The following TDRD3 variants were observed in gnomAD, a reference collection of about 807,000 sequenced individuals.
TDRD3 encodes the protein tudor domain-containing protein 3.
Under a neutral mutation model 86.7 loss-of-function variants are expected in TDRD3, and 45 were observed. That is an observed-to-expected ratio of 0.52 (90% confidence interval 0.41 to 0.67). The LOEUF (loss-of-function observed/expected upper bound fraction) is 0.67, where lower values mean the gene tolerates loss of function less well. TDRD3 is among the 30% of genes least tolerant of loss of function. The pLI is 0.00. For synonymous variants in TDRD3, 298 were observed against 301.7 expected (o/e 0.99, Z 0.13); for missense variants, 814 against 889.0 (o/e 0.92, Z 1.07).
chr13:60,435,392 A>G (rs540944579), intron 1 of TDRD3, among the ~76,000 whole-genome samples: 48 of 152,228 alleles, frequency 3.2e-4, no homozygotes, highest in Non-Finnish European at 6.0e-4. Flanking sequence ...ACTGTACCCA[A>G]TATGTAGTCT....
At chr13:60,558,944 T>G (rs1278508888) in intron 12 of TDRD3, among the ~76,000 whole-genome samples, 1 of 151,738 alleles carries the variant, frequency 6.6e-6, no homozygotes, top group African/African-American at 2.4e-5. Flanking sequence ...CTCTTTCATT[T>G]TTTTCCAAAG....
intron 8 of TDRD3, among the ~76,000 whole-genome samples, chr13:60,506,056 G>T (rs1183318171): frequency 6.6e-6 from 1 of 152,100 alleles, no homozygotes; most frequent in African/African-American, 2.4e-5. Flanking sequence ...TCCTTGAGAA[G>T]AGCAACCCCA....
At chr13:60,524,506 CAA>C (rs71092681) in intron 10 of TDRD3, among the ~76,000 whole-genome samples, 4 of 141,982 alleles carry the variant, frequency 2.8e-5, no homozygotes, top group Admixed American at 7.1e-5. Flanking sequence ...GGCTCCATCT[CAA>C]AAAAAAAAAT....
chr13:60,451,899 T>C (rs1955553611), intron 3 of TDRD3, among the ~76,000 whole-genome samples: 1 of 152,208 alleles, frequency 6.6e-6, no homozygotes, highest in Non-Finnish European at 1.5e-5. Context: ...TGTTGGAGTT[T>C]TGATTGAAAT....
chr13:60,561,373 A>G (rs1430595304), intron 12 of TDRD3, among the ~76,000 whole-genome samples: 2 of 152,118 alleles, frequency 1.3e-5, no homozygotes, highest in Non-Finnish European at 2.9e-5. Flanking sequence ...AAATCACTCC[A>G]CCCAATTGGT....
intron 12 of TDRD3, among the ~76,000 whole-genome samples, chr13:60,557,377 TGC>T (rs1958218752): frequency 6.6e-6 from 1 of 152,188 alleles, no homozygotes; most frequent in Admixed American, 6.5e-5. Flanking sequence ...ATGAATTTTG[TGC>T]TAAAGGGAAG....
At chr13:60,487,503 A>T in intron 7 of TDRD3, among the ~76,000 whole-genome samples, 1 of 152,150 alleles carries the variant, frequency 6.6e-6, no homozygotes, top group Middle Eastern at 3.2e-3. Context: ...AAAAAAAAGT[A>T]TGCAAGAGGA....
intron 3 of TDRD3, among the ~76,000 whole-genome samples, chr13:60,450,463 G>T (rs370615037): frequency 6.6e-6 from 1 of 152,096 alleles, no homozygotes; most frequent in African/African-American, 2.4e-5. Flanking sequence ...GTGACCACTG[G>T]TAAAGTACTT....
intron 1 of TDRD3, among the ~76,000 whole-genome samples, chr13:60,404,345 C>T (rs1167065760): frequency 6.9e-6 from 1 of 144,332 alleles, no homozygotes; most frequent in Non-Finnish European, 1.5e-5. Context: ...GAGTCTCGCT[C>T]TGTCACCCAG....
intron 13 of TDRD3, among the ~76,000 whole-genome samples, chr13:60,569,695 CA>C (rs1958539126): frequency 6.6e-6 from 1 of 152,066 alleles, no homozygotes; most frequent in Non-Finnish European, 1.5e-5. Flanking sequence ...CCGTAGTAAA[CA>C]AAATAGCATA....
At chr13:60,417,361 T>C (rs956454074) in intron 1 of TDRD3, among the ~76,000 whole-genome samples, 1 of 150,876 alleles carries the variant, frequency 6.6e-6, no homozygotes, top group African/African-American at 2.4e-5. Flanking sequence ...ATTTTTTTTT[T>C]TTTTTTTGAG....
At chr13:60,558,116 C>T (rs1012969355) in intron 12 of TDRD3, among the ~76,000 whole-genome samples, 10 of 152,168 alleles carry the variant, frequency 6.6e-5, no homozygotes, top group Non-Finnish European at 8.8e-5. Context: ...CCACTGCACC[C>T]GACCCTTTTA....
At chr13:60,423,026 A>C (rs938822431) in intron 1 of TDRD3, among the ~76,000 whole-genome samples, 4 of 152,212 alleles carry the variant, frequency 2.6e-5, no homozygotes, top group African/African-American at 9.6e-5. Context: ...CAGATTATTA[A>C]GATAATAAAA....
At chr13:60,438,654 C>T (rs1955178357) in intron 1 of TDRD3, among the ~76,000 whole-genome samples, 1 of 152,068 alleles carries the variant, frequency 6.6e-6, no homozygotes, top group Non-Finnish European at 1.5e-5. Flanking sequence ...TTATTCTCTA[C>T]TTCTTAAAGG....
intron 6 of TDRD3, among the ~76,000 whole-genome samples, chr13:60,485,118 T>G (rs1159403474): frequency 2.0e-5 from 3 of 152,094 alleles, no homozygotes; most frequent in Admixed American, 2.0e-4. Context: ...ATTACTGAAA[T>G]TTTTCTGTAT....
chr13:60,437,062 C>CT lies in TDRD3; in HGVS notation c.42-2619dup, dbSNP rs542640622. Among the ~76,000 whole-genome samples, 456 of 126,436 alleles carry CT rather than the reference C, an allele frequency of 3.6e-3. 2 individuals carry two copies. The highest frequency in any genetic ancestry group is 0.013 in the African/African-American group (427 of 33,458). The allele number at this position is 126,436 out of a possible 152,430, so 82.9% of individuals were successfully genotyped here. The stretch of plus-strand genomic sequence containing the variant: ...GGAAACTGATTTGGATAGCTACTGG[C>CT]TTTTTTTAATGAGATTATCATATCA... On this transcript the variant is annotated intron_variant, in intron 1 of 13. Transcript: ENST00000377881.
At chr13:60,462,335 G>A (rs1016860404) in intron 4 of TDRD3, among the ~76,000 whole-genome samples, 1 of 152,116 alleles carries the variant, frequency 6.6e-6, no homozygotes, top group African/African-American at 2.4e-5. Context: ...TGCCCAATCT[G>A]CCCAGTGCTG....
intron 12 of TDRD3, among the ~76,000 whole-genome samples, chr13:60,556,410 A>G (rs1319802936): frequency 1.3e-5 from 2 of 152,230 alleles, no homozygotes; most frequent in African/African-American, 4.8e-5. Context: ...TATACCAACA[A>G]TAATACTGTG....
At chr13:60,404,117 A>G (rs1954171211) in intron 1 of TDRD3, among the ~76,000 whole-genome samples, 1 of 152,192 alleles carries the variant, frequency 6.6e-6, no homozygotes, top group East Asian at 1.9e-4. Flanking sequence ...GATGATGTAT[A>G]AGCAAGGTTT....
Sources: allele counts gnomAD v4.1 joint callset (sites outside exome capture counted in the v4.1 genomes callset), GRCh38; gene constraint gnomAD v4.1.1; transcripts MANE v1.5; gene names NCBI Gene and HGNC (gene_info 2026-07-23, HGNC 2026-07-21).